The following SLC27A2 variants were observed in gnomAD, a reference collection of about 807,000 sequenced individuals.
SLC27A2 encodes long-chain fatty acid transport protein 2.
SLC27A2 carries 54 observed loss-of-function variants against 60.0 expected under a neutral mutation model. That is an observed-to-expected ratio of 0.90 (90% CI 0.72 to 1.13). The LOEUF is 1.13. Among genes scored for constraint, SLC27A2 ranks in the 50% most tolerant of loss-of-function variants. The pLI, the probability that SLC27A2 is intolerant of heterozygous loss-of-function variation, is 0.00. For synonymous variants in SLC27A2, 297 were observed against 297.6 expected (o/e 1.00, Z 0.02); for missense variants, 739 against 777.6 (o/e 0.95, Z 0.59).
rs371933028 is a variant in SLC27A2 at position 50,182,608 on chromosome 15, G to T, written c.181G>T (p.Glu61Ter). The T allele has an allele frequency of 1.2e-6, 2 of 1,613,782 alleles. No individual in the cohort carries two copies. Among genetic ancestry groups the T allele is most frequent in the Non-Finnish European group, 1.7e-6 (2 of 1,179,798 alleles). The change falls in exon 1 of 10, where the codon GAG becomes TAG. Residue 61 changes from glutamate (E) to a stop codon, truncating the protein, a stop_gained. Coordinates refer to ENST00000267842, the MANE Select transcript of SLC27A2 (RefSeq NM_003645.4). LOFTEE classifies it high-confidence loss of function. Reference protein sequence around the residue: ...PARTILRAFLEKARQTPHKPF... With the variant: ...PARTILRAFL The stretch of plus-strand genomic sequence containing the variant: ...GCGCACCATCCTGCGGGCGTTCCTG[G>T]AGAAAGCGCGCCAGACGCCACACAA...
chr15:50,204,379 C>T (rs1212747052), intron 3 of SLC27A2, among the ~76,000 whole-genome samples: 1 of 151,788 alleles, frequency 6.6e-6, no homozygotes, highest in East Asian at 1.9e-4. Context: ...GGCACGAGAA[C>T]CCACAAGGCA....
intron 1 of SLC27A2, among the ~76,000 whole-genome samples, 169 bp downstream of exon 1, chr15:50,183,074 C>T (rs2044881473): frequency 6.6e-6 from 1 of 152,156 alleles, no homozygotes; most frequent in Non-Finnish European, 1.5e-5. Flanking sequence ...CTTTTAGGAC[C>T]ACCTGTTGTG....
chr15:50,211,388 A>G (rs1389842685), intron 4 of SLC27A2, among the ~76,000 whole-genome samples: 2 of 152,070 alleles, frequency 1.3e-5, no homozygotes, highest in African/African-American at 2.4e-5. Context: ...GACAACAATC[A>G]CTGCAGTTCG....
At chr15:50,213,138 T>C (rs929185217) in intron 4 of SLC27A2, among the ~76,000 whole-genome samples, 5 of 152,144 alleles carry the variant, frequency 3.3e-5, no homozygotes, top group Non-Finnish European at 7.4e-5. Flanking sequence ...ACATGAAAAG[T>C]GAGCAGAGGT....
intron 1 of SLC27A2, among the ~76,000 whole-genome samples, chr15:50,185,664 C>T (rs1057174486): frequency 8.2e-6 from 1 of 121,520 alleles, no homozygotes; most frequent in Non-Finnish European, 1.6e-5. Flanking sequence ...GAATCTCGCT[C>T]TTTCGCCCAG....
At chr15:50,190,548 C>T (rs1217096221) in intron 1 of SLC27A2, among the ~76,000 whole-genome samples, 3 of 151,934 alleles carry the variant, frequency 2.0e-5, no homozygotes, top group African/African-American at 7.3e-5. Flanking sequence ...TGATTCAGCT[C>T]ACCACCTACC....
intron 3 of SLC27A2, among the ~76,000 whole-genome samples, chr15:50,203,967 T>C (rs187455941): frequency 6.2e-4 from 95 of 152,088 alleles, no homozygotes; most frequent in Non-Finnish European, 1.1e-3. Flanking sequence ...AAGAGATAAA[T>C]GTTGTTTAAG....
chr15:50,216,610 G>GTGTGTGTATATATATA (rs1323910367), intron 4 of SLC27A2, among the ~76,000 whole-genome samples: 1 of 66,492 alleles, frequency 1.5e-5, no homozygotes, highest in African/African-American at 5.5e-5. Context: ...GTGTGTGTGT[G>GTGTGTGTATATATATA]TATATATATA....
intron 4 of SLC27A2, among the ~76,000 whole-genome samples, chr15:50,208,936 T>C (rs2045134005): frequency 1.3e-5 from 2 of 152,168 alleles, no homozygotes; most frequent in South Asian, 2.1e-4. Flanking sequence ...GAAAGTTATT[T>C]ATTGGAGCAT....
At chr15:50,185,787 G>A (rs1489414420) in intron 1 of SLC27A2, among the ~76,000 whole-genome samples, 1 of 151,690 alleles carries the variant, frequency 6.6e-6, no homozygotes. Context: ...CCGCCACCAC[G>A]CCCGGATAAT....
Position 50,223,171 on chromosome 15 carries a change from G to C in SLC27A2, c.1167+12G>C. 5 of 1,592,296 alleles carry C rather than the reference G, an allele frequency of 3.1e-6. No individual in the cohort carries two copies. Among genetic ancestry groups the C allele is most frequent in the Non-Finnish European group, 4.3e-6 (5 of 1,165,424 alleles). On this transcript the variant is annotated intron_variant, in intron 5 of 9. Transcript: ENST00000267842. ...ACTACCTACAGAAAGTAAGTACATT[G>C]AAAAATGAGAGCATACGTAGCCAGT...
chr15:50,186,589 C>G (rs952472602), intron 1 of SLC27A2, among the ~76,000 whole-genome samples: 4 of 152,278 alleles, frequency 2.6e-5, no homozygotes, highest in African/African-American at 7.2e-5. Flanking sequence ...AGATGCCCAC[C>G]ACCATGCCCA....
intron 1 of SLC27A2, among the ~76,000 whole-genome samples, chr15:50,188,365 T>A (rs2044942835): frequency 6.6e-6 from 1 of 152,200 alleles, no homozygotes; most frequent in East Asian, 1.9e-4. Flanking sequence ...GTCATTTTTT[T>A]AAGCTGTTTC....
intron 1 of SLC27A2, among the ~76,000 whole-genome samples, chr15:50,189,004 TAG>T (rs2044950531): frequency 6.6e-6 from 1 of 151,176 alleles, no homozygotes; most frequent in African/African-American, 2.5e-5. Flanking sequence ...GATAGATAGA[TAG>T]ATAGATAGAT....
intron 4 of SLC27A2, among the ~76,000 whole-genome samples, chr15:50,210,976 G>A (rs1404375904): frequency 6.6e-6 from 1 of 152,170 alleles, no homozygotes; most frequent in Non-Finnish European, 1.5e-5. Context: ...AGCAGCCACA[G>A]CAAGACCTGA....
chr15:50,201,850 T>C lies in SLC27A2; in HGVS notation c.689-637T>C, dbSNP rs759521082. Reference sequence around the variant, plus strand: ...GATTACAGGCGTGAGCCACCGCGCCTGGCCAAGTGTGCATATTTTTTAATG... The same window carrying C: ...GATTACAGGCGTGAGCCACCGCGCCCGGCCAAGTGTGCATATTTTTTAATG... On this transcript the variant is annotated intron_variant, in intron 2 of 9. Coordinates refer to ENST00000267842, the MANE Select transcript of SLC27A2 (RefSeq NM_003645.4). Among the ~76,000 whole-genome samples, 12 of 152,192 alleles carry C rather than the reference T, an allele frequency of 7.9e-5. No homozygotes were observed. The East Asian group carries it at 9.6e-4, about 12-fold the overall frequency.
intron 4 of SLC27A2, among the ~76,000 whole-genome samples, chr15:50,211,104 C>G (rs1024735023): frequency 6.6e-6 from 1 of 152,164 alleles, no homozygotes; most frequent in African/African-American, 2.4e-5. Flanking sequence ...AGGGCCCTGC[C>G]CACTGCTGGT....
chr15:50,216,189 C>A (rs2045194182), intron 4 of SLC27A2, among the ~76,000 whole-genome samples: 1 of 151,986 alleles, frequency 6.6e-6, no homozygotes, highest in African/African-American at 2.4e-5. Context: ...ATACAAATGG[C>A]CAATAAACAT....
chr15:50,184,497 A>G (rs577918439), intron 1 of SLC27A2, among the ~76,000 whole-genome samples: 1 of 152,296 alleles, frequency 6.6e-6, no homozygotes, highest in South Asian at 2.1e-4. Context: ...CATGAAATAA[A>G]TAATCCAAAA....
Sources: gnomAD v4.1 joint callset for allele counts (sites outside exome capture counted in the v4.1 genomes callset) on GRCh38, gnomAD v4.1.1 for gene constraint, MANE v1.5 for transcripts, NCBI Gene and HGNC (gene_info 2026-07-23, HGNC 2026-07-21) for gene names.